The following EVI5 variants were observed in gnomAD, a reference collection of about 807,000 sequenced individuals.
The protein encoded by EVI5 is ecotropic viral integration site 5.
In EVI5, 73 loss-of-function variants were observed where a neutral mutation model predicts 112.0. That is an observed-to-expected ratio of 0.65 (90% CI 0.54 to 0.79). EVI5 has a LOEUF of 0.79. Among genes scored for constraint, EVI5 ranks in the 30% least tolerant of loss-of-function variants. The pLI is 0.00. For missense variants in EVI5, 900 were observed against 968.8 expected (o/e 0.93, Z 0.94); for synonymous variants, 305 against 319.9 (o/e 0.95, Z 0.50).
chr1:92,704,307 T>C (rs1342993478), intron 3 of EVI5, among the ~76,000 whole-genome samples: 4 of 152,164 alleles, frequency 2.6e-5, no homozygotes, highest in Admixed American at 2.6e-4. Context: ...AAGTGAGTCT[T>C]TATAAAATAA....
chr1:92,777,218 G>A (rs1009095026), intron 1 of EVI5, among the ~76,000 whole-genome samples: 3 of 152,176 alleles, frequency 2.0e-5, no homozygotes, highest in Admixed American at 6.5e-5. Flanking sequence ...GATTACAGGC[G>A]TGAGCCACCA....
intron 19 of EVI5, among the ~76,000 whole-genome samples, chr1:92,560,808 T>C (rs1365181164): frequency 6.6e-6 from 1 of 151,692 alleles, no homozygotes; most frequent in Non-Finnish European, 1.5e-5. Flanking sequence ...AAAGTGACCC[T>C]CCAACCTCGG....
rs376052379 is a variant in EVI5, at chr1:92,715,686, G to A, written c.150-10942C>T. Reference sequence around the variant, plus strand: ...CCTCACCCAGTAAGCACAAGGCTTCGGGGGATTTCCCTTTCCTAACCAAGG... The same window carrying A: ...CCTCACCCAGTAAGCACAAGGCTTCAGGGGATTTCCCTTTCCTAACCAAGG... On this transcript the variant is annotated intron_variant, in intron 2 of 19. Transcript: ENST00000684568. 9.8e-5 allele frequency among the ~76,000 whole-genome samples: 15 copies of A among 152,292 alleles called. No individual in the cohort carries two copies. In the East Asian group the frequency reaches 1.5e-3, roughly 16 times the overall value.
chr1:92,570,172 C>T (rs1670118942), intron 18 of EVI5, among the ~76,000 whole-genome samples: 1 of 152,172 alleles, frequency 6.6e-6, no homozygotes, highest in African/African-American at 2.4e-5. Context: ...GAGGTATTCT[C>T]CAAATCCCAT....
intron 2 of EVI5, among the ~76,000 whole-genome samples, chr1:92,708,720 T>A (rs979287360): frequency 3.3e-5 from 5 of 151,934 alleles, no homozygotes; most frequent in Non-Finnish European, 5.9e-5. Context: ...CAAGTGTCCA[T>A]CAACTGATGA....
chr1:92,792,210 TAAC>T lies in EVI5; in HGVS notation c.51+131_51+133del, dbSNP rs1439075552. ...TCTTAAAATAAAACTGAAGAAATGT[TAAC>T]AAGCTGTTCCTGTGTTTTGAAGATT... On this transcript the variant is annotated intron_variant, in intron 1 of 17. Transcript: ENST00000370331. 3 of 618,600 alleles carry T rather than the reference TAAC, an allele frequency of 4.8e-6. No homozygotes were observed. The African/African-American group carries it at 5.5e-5, about 11-fold the overall frequency. The allele number at this position is 618,600 out of a possible 1,614,324, so 38.3% of individuals were successfully genotyped here.
At chr1:92,537,957 G>A (rs1053262339) in intron 19 of EVI5, among the ~76,000 whole-genome samples, 22 of 151,982 alleles carry the variant, frequency 1.4e-4, no homozygotes, top group African/African-American at 4.3e-4. Flanking sequence ...TAAAGCTGAC[G>A]TTTTTAGAAG....
chr1:92,601,315 A>C (rs965612477), intron 18 of EVI5, among the ~76,000 whole-genome samples: 2 of 152,232 alleles, frequency 1.3e-5, no homozygotes, highest in Non-Finnish European at 2.9e-5. Context: ...AAATCCTCAA[A>C]AAATCAAAAA....
intron 2 of EVI5, among the ~76,000 whole-genome samples, chr1:92,712,562 T>A (rs1039685553): frequency 6.6e-6 from 1 of 152,090 alleles, no homozygotes; most frequent in Non-Finnish European, 1.5e-5. Context: ...GTTTAATTAA[T>A]TATACCATCA....
intron 13 of EVI5, among the ~76,000 whole-genome samples, chr1:92,645,438 G>T (rs1405579514): frequency 6.6e-6 from 1 of 152,020 alleles, no homozygotes; most frequent in African/African-American, 2.4e-5. Context: ...TTCACTCCTA[G>T]AAGTCCACTG....
intron 2 of EVI5, among the ~76,000 whole-genome samples, chr1:92,709,116 A>G (rs1672456424): frequency 6.6e-6 from 1 of 152,236 alleles, no homozygotes; most frequent in South Asian, 2.1e-4. Flanking sequence ...GTATATGAAT[A>G]TCTGAATAAA....
In EVI5 at chr1:92,580,267, C is replaced by T. The variant is rs1023329901; in HGVS notation, c.2071-16530G>A. On this transcript the variant is annotated intron_variant, in intron 18 of 19. Transcript: ENST00000684568. ...ATTCCACCCAGCAAGGACTGCTATT[C>T]CAATAATGTTGTAATCTTTTGCAAT... Among the ~76,000 whole-genome samples, 9 of 152,242 alleles carry T rather than the reference C, an allele frequency of 5.9e-5. 1 individual carries two copies. Among genetic ancestry groups the T allele is most frequent in the Admixed American group, 3.9e-4 (6 of 15,280 alleles).
intron 19 of EVI5, among the ~76,000 whole-genome samples, chr1:92,544,088 CTA>C (rs1665279154): frequency 6.6e-6 from 1 of 152,148 alleles, no homozygotes; most frequent in African/African-American, 2.4e-5. Flanking sequence ...ACCACAGGTT[CTA>C]TGATTCCATT....
chr1:92,717,898 C>T lies in EVI5; in HGVS notation c.150-13154G>A, dbSNP rs559435786. ...AAAAAAAAAACCAGGGGTTGCAATC[C>T]TAGTCTCTGATAAAACAAATTTTAA... On this transcript the variant is annotated intron_variant, in intron 2 of 19. Transcript: ENST00000684568. Among the ~76,000 whole-genome samples, 3 of 152,096 alleles carry T rather than the reference C, an allele frequency of 2.0e-5. No homozygotes were observed. In the East Asian group the frequency reaches 5.8e-4, roughly 29 times the overall value.
intron 1 of EVI5, among the ~76,000 whole-genome samples, chr1:92,759,866 C>A (rs1187636028): frequency 1.5e-5 from 2 of 137,860 alleles, no homozygotes; most frequent in Non-Finnish European, 3.1e-5. Flanking sequence ...CCCTCCCCCC[C>A]ACATACATTT....
rs1167849315 is a variant in EVI5, at chr1:92,726,665, T to C, written c.149+9733A>G. Among the ~76,000 whole-genome samples, 10 of 152,162 alleles carry C rather than the reference T, an allele frequency of 6.6e-5. No individual in the cohort carries two copies. In the East Asian group the frequency reaches 1.7e-3, roughly 26 times the overall value. On this transcript the variant is annotated intron_variant, in intron 2 of 19. Transcript: ENST00000684568. ...AACTAAATAGGTAAACACATAAAAG[T>C]TTTTTCTTATTATTTCAATCTCATT... is the stretch of plus-strand genomic sequence containing the variant.
At chr1:92,560,585 T>G (rs1180036547) in intron 19 of EVI5, among the ~76,000 whole-genome samples, 2 of 152,142 alleles carry the variant, frequency 1.3e-5, no homozygotes, top group Non-Finnish European at 2.9e-5. Flanking sequence ...GGTCTTGCTT[T>G]GACACCCAGG....
intron 1 of EVI5, among the ~76,000 whole-genome samples, chr1:92,778,139 C>A (rs921029157): frequency 6.6e-6 from 1 of 152,054 alleles, no homozygotes; most frequent in Non-Finnish European, 1.5e-5. Context: ...GATCTCTTGA[C>A]CTCATGATCT....
intron 17 of EVI5, among the ~76,000 whole-genome samples, chr1:92,606,031 A>C (rs995075432): frequency 6.6e-6 from 1 of 152,338 alleles, no homozygotes; most frequent in East Asian, 1.9e-4. Context: ...TCATTCTCAA[A>C]ACCTGCAAAG....
Sources: allele counts gnomAD v4.1 joint callset (sites outside exome capture counted in the v4.1 genomes callset), GRCh38; gene constraint gnomAD v4.1.1; transcripts MANE v1.5; gene names NCBI Gene and HGNC (gene_info 2026-07-23, HGNC 2026-07-21).